Variants in ABHD2 observed in about 807,000 individuals in gnomAD.
ABHD2 encodes the protein abhydrolase domain containing 2, acylglycerol lipase, also known as monoacylglycerol lipase ABHD2.
In ABHD2, 20 loss-of-function variants were observed where a neutral mutation model predicts 48.1. The ratio of observed to expected loss-of-function variants is 0.42; its 90% CI spans 0.29 to 0.60. The LOEUF (loss-of-function observed/expected upper bound fraction) is 0.60. Among genes scored for constraint, ABHD2 ranks in the 20% least tolerant of loss-of-function variants. The pLI, the probability that ABHD2 is intolerant of heterozygous loss-of-function variation, is 0.24. For synonymous variants in ABHD2, 209 were observed against 214.2 expected, an observed-to-expected ratio of 0.98 and a Z score of 0.21; for missense variants, 405 against 550.9, an observed-to-expected ratio of 0.74 and a Z score of 2.65.
Position 89,104,872 on chromosome 15 carries a change from A to T in ABHD2, c.-106-8853A>T, listed in dbSNP as rs1453773387. ...TTCTTCAGTTGTATCCTTCTCTTAA[A>T]AATTCCAGTAAACTAGGCACTTGAG... On this transcript the variant is annotated intron_variant, in intron 1 of 10. Coordinates refer to ENST00000352732, the MANE Select transcript of ABHD2 (RefSeq NM_152924.5). The surrounding 1 kb of genome is among the most constrained non-coding windows in gnomAD (Gnocchi z 4.4). Among the ~76,000 whole-genome samples the T allele has an allele frequency of 1.3e-5, 2 of 152,198 alleles. No individual in the cohort carries two copies. The highest frequency in any genetic ancestry group is 2.9e-5 in the Non-Finnish European group (2 of 68,008).
In ABHD2 at chr15:89,158,751, C is replaced by T. The variant is rs373375171; in HGVS notation, c.538+3217C>T. The stretch of plus-strand genomic sequence containing the variant: ...TTTTTGAGGCAGAGTCTCACTCTGT[C>T]ACCCAGGAGGGAGTGAAGTAGTGCA... On this transcript the variant is annotated intron_variant, in intron 5 of 10. Transcript: ENST00000352732. Among the ~76,000 whole-genome samples the T allele has an allele frequency of 4.6e-5, 7 of 152,096 alleles. No individual in the cohort carries two copies. In the East Asian group the frequency reaches 7.8e-4, roughly 17 times the overall value.
Position 89,176,137 on chromosome 15 carries a change from G to T in ABHD2, c.722+142G>T. The T allele has an allele frequency of 1.1e-6, 1 of 901,058 alleles. No homozygotes were observed. 55.8% of individuals were successfully genotyped at this position (901,058 alleles called of 1,614,324 possible). ...AGTTTCTGAGTCTTGGACTCACCTT[G>T]TTTTGTCTGCATATCATACATTGGA... On this transcript the variant is annotated intron_variant, in intron 6 of 10. Coordinates refer to ENST00000352732, the MANE Select transcript of ABHD2 (RefSeq NM_152924.5). The surrounding 1 kb of genome is among the most constrained non-coding windows in gnomAD (Gnocchi z 4.5).
At chr15:89,163,525 G>A (rs934184036) in intron 5 of ABHD2, among the ~76,000 whole-genome samples, 2 of 152,238 alleles carry the variant, frequency 1.3e-5, no homozygotes, top group Admixed American at 6.5e-5. Context: ...GGCTTAGGGA[G>A]GTTAAGTACC....
chr15:89,113,001 G>A (rs2049899429), intron 1 of ABHD2, among the ~76,000 whole-genome samples: 1 of 152,242 alleles, frequency 6.6e-6, no homozygotes, highest in African/African-American at 2.4e-5. Context: ...TTAGCACGTA[G>A]ATAGTGCTGC....
chr15:89,185,510 C>T lies in ABHD2; in HGVS notation c.809C>T (p.Ser270Leu), dbSNP rs773911562. 6.2e-6 allele frequency: 10 copies of T among 1,613,876 alleles called. 1 individual carries two copies. The highest frequency in any genetic ancestry group is 4.5e-5 in the East Asian group (2 of 44,874). Residue 270 changes from serine to leucine, a missense_variant, in exon 7 of 11, where the codon TCG becomes TTG. By Grantham distance (145) the Ser-to-Leu change is moderately radical (BLOSUM62 -2). Transcript: ENST00000352732. The surrounding 1 kb of genome is among the most constrained non-coding windows in gnomAD (Gnocchi z 5.9). ...GACAACATGAAGAAGATCATCCTCT[C>T]GCACAGGTAGGTCACCTTCCGTTCT... ...MADNMKKIIL[S>L]HRQALFGDHV...
In ABHD2 at chr15:89,183,384, A is replaced by AAAT. The variant is rs61602174; in HGVS notation, c.723-2039_723-2038insATA. On this transcript the variant is annotated intron_variant, in intron 6 of 10. Coordinates refer to ENST00000352732, the MANE Select transcript of ABHD2 (RefSeq NM_152924.5). ...AGTCCTTTTCAAAAAAAAAAAAAAA[A>AAAT]ATATATATATATATATATATATATA... 94 of 46,250 alleles carry AAAT rather than the reference A, an allele frequency of 2.0e-3. 3 individuals are homozygous for AAAT. Among genetic ancestry groups the AAAT allele is most frequent in the Admixed American group, 3.3e-3 (10 of 3,036 alleles). The allele number at this position is 46,250 out of a possible 1,614,324, so 2.9% of individuals were successfully genotyped here.
At chr15:89,135,962 T>C (rs377053430) in intron 3 of ABHD2, 457 of 398,508 alleles carry the variant, frequency 1.1e-3, no homozygotes, top group Middle Eastern at 2.4e-3. Flanking sequence ...GTTTCCCTTT[T>C]GTTGCCCAGG....
At chr15:89,110,016 G>A (rs747786147) in intron 1 of ABHD2, among the ~76,000 whole-genome samples, 3 of 152,130 alleles carry the variant, frequency 2.0e-5, no homozygotes, top group African/African-American at 7.2e-5. Flanking sequence ...AGTAAATGAT[G>A]TAAATAATTT....
chr15:89,163,870 T>C (rs2061460568), intron 5 of ABHD2, among the ~76,000 whole-genome samples: 1 of 152,182 alleles, frequency 6.6e-6, no homozygotes, highest in South Asian at 2.1e-4. Flanking sequence ...TGACTTGCTC[T>C]AAATCACAGA....
At chr15:89,043,614 CGAG>C in the ABHD2 span, among the ~76,000 whole-genome samples, 4 of 95,016 alleles carry the variant, frequency 4.2e-5, no homozygotes, top group Non-Finnish European at 2.0e-5. Flanking sequence ...GAGGAGGAGA[CGAG>C]GAGGCGGAAG....
chr15:89,124,868 C>T (rs2050107083), intron 3 of ABHD2, among the ~76,000 whole-genome samples: 2 of 152,158 alleles, frequency 1.3e-5, no homozygotes, highest in African/African-American at 4.8e-5. Context: ...GCAGGCGGAT[C>T]ACCTGAGGTC....
intron 4 of ABHD2, among the ~76,000 whole-genome samples, chr15:89,153,782 A>G (rs1424373409): frequency 2.0e-5 from 3 of 152,130 alleles, no homozygotes; most frequent in Non-Finnish European, 4.4e-5. Context: ...CCCAACATAT[A>G]TTATTAACGT....
chr15:89,067,590 G>A, the ABHD2 span, among the ~76,000 whole-genome samples: 3 of 152,078 alleles, frequency 2.0e-5, no homozygotes, highest in African/African-American at 7.2e-5. Flanking sequence ...GGCCATGAGG[G>A]GTTTTAGACC....
At chr15:89,192,407 T>C (rs2051321820) in intron 9 of ABHD2, among the ~76,000 whole-genome samples, 2 of 152,242 alleles carry the variant, frequency 1.3e-5, no homozygotes, top group South Asian at 2.1e-4. Flanking sequence ...AAGAAGGCTA[T>C]TGGCTGTTTT....
chr15:89,102,663 G>A lies in ABHD2; in HGVS notation c.-106-11062G>A, dbSNP rs1241590111. 6.6e-6 allele frequency: 1 copy of A among 152,198 alleles called. No homozygotes were observed. Among genetic ancestry groups the A allele is most frequent in the East Asian group, 1.9e-4 (1 of 5,204 alleles). The allele number at this position is 152,198 out of a possible 1,614,324, so 9.4% of individuals were successfully genotyped here. A position where few individuals can be genotyped will look rare whatever the true frequency, so the allele number is the denominator to read the frequency against. ...CATCTTCCTTGATGGCCAGTTCCTT[G>A]CCTCCCAGGAAACTGATGAGGAGGC... is the stretch of plus-strand genomic sequence containing the variant. On this transcript the variant is annotated intron_variant, in intron 1 of 10. Transcript: ENST00000352732. The surrounding 1 kb of genome is among the most constrained non-coding windows in gnomAD (Gnocchi z 4.8).
At position 89,110,683 on chromosome 15, in the gene ABHD2, C is replaced by T. The variant is rs527939497; in HGVS notation, c.-106-3042C>T. ...GGAGTACCCCCAGGGACATGCAGAA[C>T]TGACCTGTACCTCAGGACTTCAGGT... On this transcript the variant is annotated intron_variant, in intron 1 of 10. Transcript: ENST00000352732. Among the ~76,000 whole-genome samples the T allele has an allele frequency of 1.7e-4, 26 of 152,326 alleles. No individual in the cohort carries two copies. In the South Asian group the frequency reaches 4.3e-3, roughly 25 times the overall value.
At chr15:89,136,092 A>ATTT (rs35713906) in intron 3 of ABHD2, 621 of 167,380 alleles carry the variant, frequency 3.7e-3, no homozygotes, top group South Asian at 5.8e-3. Context: ...ATGCCTGGCA[A>ATTT]TTTTTTTTTT....
chr15:89,043,035 C>T, the ABHD2 span, among the ~76,000 whole-genome samples: 2 of 151,978 alleles, frequency 1.3e-5, no homozygotes, highest in South Asian at 2.1e-4. Flanking sequence ...CACGGCTTGC[C>T]GTAATCTGCT....
intron 6 of ABHD2, among the ~76,000 whole-genome samples, chr15:89,178,757 A>G (rs372715342): frequency 1.9e-4 from 29 of 152,234 alleles, no homozygotes; most frequent in East Asian, 1.7e-3. Flanking sequence ...ACAGCTGCCA[A>G]CCCGCCTGGG....
Sources: gnomAD v4.1 joint callset for allele counts (sites outside exome capture counted in the v4.1 genomes callset) on GRCh38, gnomAD v4.1.1 for gene constraint, Gnocchi (gnomAD v3.1) non-coding constraint, MANE v1.5 for transcripts, NCBI Gene and HGNC (gene_info 2026-07-23, HGNC 2026-07-21) for gene names.